Variants in MED13 observed in about 807,000 individuals in gnomAD.
The protein encoded by MED13 is mediator complex subunit 13.
A neutral mutation model predicts 225.2 loss-of-function variants in MED13; 23 were observed. That is an observed-to-expected ratio of 0.10 (90% CI 0.07 to 0.14). MED13 has a LOEUF of 0.14. Among genes scored for constraint, MED13 ranks in the 10% least tolerant of loss-of-function variants. MED13 has a pLI of 1.00. For synonymous variants in MED13, 942 were observed against 889.2 expected, an observed-to-expected ratio of 1.06 and a Z score of -1.06; for missense variants, 2,197 against 2,594.5, an observed-to-expected ratio of 0.85 and a Z score of 3.33.
At chr17:62,043,036 G>A (rs978871796) in intron 3 of MED13, among the ~76,000 whole-genome samples, 1 of 151,174 alleles carries the variant, frequency 6.6e-6, no homozygotes, top group East Asian at 1.9e-4. Context: ...GTACTCCTAA[G>A]TCCTGAGTAT....
rs1052929864 is a variant in MED13 at position 61,942,959 on chromosome 17, A to G, written c.*3509T>C. The stretch of plus-strand genomic sequence containing the variant: ...ATATCCAGTTTACTTTGAAAACTAA[A>G]GATGTTTTAAAACTTCATGAATACA... On this transcript the variant is annotated 3_prime_UTR_variant, in exon 30 of 30. Coordinates refer to ENST00000397786, the MANE Select transcript of MED13 (RefSeq NM_005121.3). 10 of 152,612 alleles carry G rather than the reference A, an allele frequency of 6.6e-5. No individual in the cohort carries two copies. The highest frequency in any genetic ancestry group is 2.4e-4 in the African/African-American group (10 of 41,462). The allele number at this position is 152,612 out of a possible 1,614,324, so 9.5% of individuals were successfully genotyped here.
At chr17:61,991,551 C>A (rs1275062905) in intron 11 of MED13, among the ~76,000 whole-genome samples, 1 of 152,092 alleles carries the variant, frequency 6.6e-6, no homozygotes, top group East Asian at 1.9e-4. Context: ...GCTCTGTCGC[C>A]AGGCTGGAGT....
At chr17:61,971,486 C>T (rs192900641) in intron 17 of MED13, among the ~76,000 whole-genome samples, 3 of 151,798 alleles carry the variant, frequency 2.0e-5, no homozygotes, top group East Asian at 1.9e-4. Flanking sequence ...TTAGTAGAGA[C>T]GGGGTTTCTC....
rs962619619 is a variant in MED13, at chr17:61,960,810, A to G, written c.5480+57T>C. On this transcript the variant is annotated intron_variant, in intron 23 of 29. Coordinates refer to ENST00000397786, the MANE Select transcript of MED13 (RefSeq NM_005121.3). ...TCAAACTGGTTTTCTATTCATTAAA[A>G]ATGAAACAAAATGTTACAAATGGAA... 3.9e-6 allele frequency: 5 copies of G among 1,271,982 alleles called. No homozygotes were observed. In the African/African-American group the frequency reaches 6.0e-5, roughly 15 times the overall value. 78.8% of individuals were successfully genotyped at this position (1,271,982 alleles called of 1,614,324 possible).
intron 3 of MED13, chr17:62,036,776 T>C (rs1396616551): frequency 6.6e-6 from 1 of 152,192 alleles, no homozygotes; most frequent in African/African-American, 2.4e-5. Context: ...CTAAACTTGA[T>C]AGAACAAGAA....
At chr17:61,964,965 A>G in intron 20 of MED13, 41 bp downstream of exon 20, 1 of 1,548,622 alleles carries the variant, frequency 6.5e-7, no homozygotes, top group South Asian at 1.2e-5. Flanking sequence ...GCAGCATCAT[A>G]GTTTTTATAT....
intron 18 of MED13, among the ~76,000 whole-genome samples, chr17:61,967,467 A>G (rs1260997393): frequency 1.3e-5 from 2 of 152,230 alleles, no homozygotes; most frequent in African/African-American, 4.8e-5. Flanking sequence ...CAAAATTTAA[A>G]GACTAAATTT....
chr17:61,977,196 T>A (rs1247797609), intron 16 of MED13, among the ~76,000 whole-genome samples: 1 of 152,116 alleles, frequency 6.6e-6, no homozygotes, highest in Non-Finnish European at 1.5e-5. Context: ...TAAATTTTAT[T>A]ATGTTAGAAG....
chr17:62,061,488 T>C (rs1397434916), intron 2 of MED13, among the ~76,000 whole-genome samples: 4 of 152,250 alleles, frequency 2.6e-5, no homozygotes, highest in African/African-American at 2.4e-5. Context: ...GCCAACTTTA[T>C]TAAGAAGACC....
At chr17:62,008,317 CAAAA>C (rs766909961) in intron 9 of MED13, among the ~76,000 whole-genome samples, 1,589 of 33,058 alleles carry the variant, frequency 0.048, 37 homozygotes, top group African/African-American at 0.14. Flanking sequence ...GGCTCTGTCT[CAAAA>C]AAAAAAAAAA....
At chr17:61,977,969 T>C (rs1458097275) in intron 16 of MED13, among the ~76,000 whole-genome samples, 1 of 152,234 alleles carries the variant, frequency 6.6e-6, no homozygotes, top group African/African-American at 2.4e-5. Context: ...TGCAGCTTTC[T>C]GTTTACATCA....
chr17:62,037,955 CAAAAAAAAA>C (rs397857634), intron 3 of MED13, among the ~76,000 whole-genome samples: 86 of 64,748 alleles, frequency 1.3e-3, no homozygotes, highest in African/African-American at 3.6e-3. Context: ...GACTTCATCT[CAAAAAAAAA>C]AAAAAAAAAA....
In MED13 at chr17:62,001,382, C is replaced by CA. The variant is rs1158996210; in HGVS notation, c.1968-6018_1968-6017insT. On this transcript the variant is annotated intron_variant, in intron 9 of 29. Coordinates refer to ENST00000397786, the MANE Select transcript of MED13 (RefSeq NM_005121.3). ...TCACATCACTTTCTATATGAGTTGT[C>CA]CAAACTGATCTCCTTTCACACAGAC... is the stretch of plus-strand genomic sequence containing the variant. 3.9e-4 allele frequency among the ~76,000 whole-genome samples: 59 copies of CA among 152,276 alleles called. No homozygotes were observed. The East Asian group carries it at 0.011, about 29-fold the overall frequency.
intron 8 of MED13, among the ~76,000 whole-genome samples, chr17:62,018,087 G>A (rs1603403276): frequency 6.6e-6 from 1 of 152,194 alleles, no homozygotes; most frequent in Non-Finnish European, 1.5e-5. Context: ...GCTAAACAAT[G>A]ACTACTACTG....
chr17:62,035,839 GT>G (rs1275826874), intron 3 of MED13, among the ~76,000 whole-genome samples: 6 of 152,152 alleles, frequency 3.9e-5, no homozygotes. Flanking sequence ...AGTTAAACGA[GT>G]TAGGTACATT....
At chr17:62,029,787 A>AT in intron 7 of MED13, 64 bp downstream of exon 7, 1 of 1,527,664 alleles carries the variant, frequency 6.5e-7, no homozygotes, top group Non-Finnish European at 8.9e-7. Flanking sequence ...TATACTTTAG[A>AT]TATCTTCTAA....
chr17:61,987,574 AGT>A (rs2080259150), intron 11 of MED13, among the ~76,000 whole-genome samples: 1 of 152,144 alleles, frequency 6.6e-6, no homozygotes, highest in Admixed American at 6.5e-5. Flanking sequence ...AAATCGAGAA[AGT>A]GTTTTTATAG....
At chr17:61,949,485 C>T (rs2079878742) in intron 28 of MED13, among the ~76,000 whole-genome samples, 1 of 152,120 alleles carries the variant, frequency 6.6e-6, no homozygotes. Context: ...CCTCGACCAC[C>T]CAAAGTGCTG....
intron 3 of MED13, among the ~76,000 whole-genome samples, chr17:62,042,469 G>A (rs1428186877): frequency 6.6e-6 from 1 of 150,486 alleles, no homozygotes; most frequent in Admixed American, 6.6e-5. Flanking sequence ...GGCTGAGGCA[G>A]GAGAATCGCT....
Sources: gnomAD v4.1 joint callset for allele counts (sites outside exome capture counted in the v4.1 genomes callset) on GRCh38, gnomAD v4.1.1 for gene constraint, MANE v1.5 for transcripts, NCBI Gene and HGNC (gene_info 2026-07-23, HGNC 2026-07-21) for gene names.